Variants in MROH1 observed in about 807,000 individuals in gnomAD.
The protein encoded by MROH1 is maestro heat-like repeat-containing protein family member 1.
In MROH1, 117 loss-of-function variants were observed where a neutral mutation model predicts 116.5. That is an observed-to-expected ratio of 1.00 (90% CI 0.86 to 1.17). MROH1 has a LOEUF of 1.17. MROH1 is among the 50% of genes most tolerant of loss of function. MROH1 has a pLI of 0.00. For synonymous variants in MROH1, 921 were observed against 583.9 expected (o/e 1.58, Z -8.32); for missense variants, 1,873 against 1,338.5 (o/e 1.40, Z -6.23).
Position 144,179,439 on chromosome 8 carries a change from C to T in MROH1, c.169-16C>T, listed in dbSNP as rs114641740. On this transcript the variant is annotated splice_polypyrimidine_tract_variant and intron_variant, in intron 4 of 43. Coordinates refer to ENST00000326134, the MANE Select transcript of MROH1 (RefSeq NM_032450.3). Reference sequence around the variant, plus strand: ...GGGGCTCACCTGGGACCGACCTGGACGGTGTCTCTCCGCAGCTGGCACACC... The same window carrying T: ...GGGGCTCACCTGGGACCGACCTGGATGGTGTCTCTCCGCAGCTGGCACACC... 1.5e-3 allele frequency: 2,347 copies of T among 1,612,664 alleles called. 27 individuals are homozygous for T. The African/African-American group carries it at 0.027, about 18-fold the overall frequency.
At chr8:144,220,878 C>T (rs1432136231) in intron 13 of MROH1, among the ~76,000 whole-genome samples, 1 of 152,194 alleles carries the variant, frequency 6.6e-6, no homozygotes, top group Non-Finnish European at 1.5e-5. Flanking sequence ...TCCCCAAGGC[C>T]ACCCTACACT....
Position 144,196,653 on chromosome 8 carries a change from A to G in MROH1, c.949-2469A>G, listed in dbSNP as rs528908910. On this transcript the variant is annotated intron_variant, in intron 10 of 43. Coordinates refer to ENST00000326134, the MANE Select transcript of MROH1 (RefSeq NM_032450.3). The stretch of plus-strand genomic sequence containing the variant: ...ATTACAGGCATGAGCCTCTGTGCCC[A>G]GCCCCCTATGCTTTTATTATTTAAT... 2.0e-3 allele frequency among the ~76,000 whole-genome samples: 296 copies of G among 151,084 alleles called. 1 individual carries two copies. The highest frequency in any genetic ancestry group is 3.4e-3 in the Middle Eastern group (1 of 294).
intron 14 of MROH1, among the ~76,000 whole-genome samples, chr8:144,230,802 CTTTTTTTTTTTTT>C (rs1161687289): frequency 1.5e-5 from 1 of 68,600 alleles, no homozygotes; most frequent in African/African-American, 5.0e-5. Flanking sequence ...AAAAGGTTTT[CTTTTTTTTTTTTT>C]TTTTTTTTTT....
At chr8:144,236,896 C>CT (rs1164804321) in intron 14 of MROH1, among the ~76,000 whole-genome samples, 1,101 of 69,302 alleles carry the variant, frequency 0.016, 337 homozygotes, top group African/African-American at 0.056. Context: ...TCTCCTATTC[C>CT]TTTTTTTTTT....
intron 34 of MROH1, among the ~76,000 whole-genome samples, chr8:144,255,285 G>A (rs1014124940): frequency 2.6e-5 from 4 of 152,382 alleles, no homozygotes; most frequent in Middle Eastern, 3.4e-3. Flanking sequence ...ATGGCCTGAG[G>A]TCTGTCCTGT....
chr8:144,210,134 G>A (rs999923268), intron 12 of MROH1, among the ~76,000 whole-genome samples: 1 of 151,498 alleles, frequency 6.6e-6, no homozygotes, highest in African/African-American at 2.4e-5. Context: ...GATTAGCTGT[G>A]TCCACTTTAA....
At chr8:144,166,877 G>C (rs376391649) in intron 3 of MROH1, among the ~76,000 whole-genome samples, 2 of 152,220 alleles carry the variant, frequency 1.3e-5, no homozygotes, top group Non-Finnish European at 2.9e-5. Flanking sequence ...AGTTCAGTAC[G>C]GGCCGGGTTT....
At chr8:144,245,094 C>G in intron 28 of MROH1, 62 bp from the exon 29 acceptor site, 1 of 777,628 alleles carries the variant, frequency 1.3e-6, no homozygotes, top group Non-Finnish European at 2.4e-6. Context: ...CCACGATGCA[C>G]AAGGCTCCTG....
intron 4 of MROH1, chr8:144,174,898 C>A (rs1350213191): frequency 2.0e-6 from 2 of 985,400 alleles, no homozygotes; most frequent in East Asian, 1.1e-4. Context: ...GCACTGAGCA[C>A]TCAATCACCA....
chr8:144,167,330 TG>T (rs1821118551), intron 3 of MROH1, among the ~76,000 whole-genome samples: 1 of 109,644 alleles, frequency 9.1e-6, no homozygotes, highest in Non-Finnish European at 1.9e-5. Flanking sequence ...GGCCGGTTGT[TG>T]GGGTGGAGTG....
rs950423982 is a variant in MROH1, at chr8:144,260,609, G to A, written c.4381-68G>A. The A allele has an allele frequency of 4.7e-4, 361 of 768,322 alleles. 1 individual carries two copies. The highest frequency in any genetic ancestry group is 4.4e-3 in the African/African-American group (260 of 59,246). 47.6% of individuals were successfully genotyped at this position (768,322 alleles called of 1,614,324 possible). A position where few individuals can be genotyped will look rare whatever the true frequency, so the allele number is the denominator to read the frequency against. On this transcript the variant is annotated intron_variant, in intron 39 of 43. Transcript: ENST00000326134. ...CAGGCAAGGGCACCCATCAATGGCA[G>A]GGGGCTAGGCAGGCAGGCCTGCAGG...
At chr8:144,208,684 A>G (rs944154665) in intron 12 of MROH1, among the ~76,000 whole-genome samples, 3 of 152,178 alleles carry the variant, frequency 2.0e-5, no homozygotes, top group Admixed American at 6.6e-5. Context: ...GGTATATTTC[A>G]GGACTCTATT....
intron 14 of MROH1, among the ~76,000 whole-genome samples, chr8:144,237,845 CTG>C (rs1171442891): frequency 3.3e-5 from 5 of 152,172 alleles, no homozygotes; most frequent in Admixed American, 2.6e-4. Context: ...TGTCCCCAGT[CTG>C]TGTCCTAACG....
chr8:144,222,148 CCT>C (rs1271231664), intron 13 of MROH1, among the ~76,000 whole-genome samples: 2 of 150,662 alleles, frequency 1.3e-5, no homozygotes, highest in Non-Finnish European at 3.0e-5. Context: ...AGCCCCACCC[CCT>C]GAGGCCAGGG....
At chr8:144,175,570 G>T in intron 4 of MROH1, 1 of 984,980 alleles carries the variant, frequency 1.0e-6, no homozygotes, top group Non-Finnish European at 1.2e-6. Flanking sequence ...CCCAGGTGGG[G>T]ATGGGCTTCT....
intron 4 of MROH1, among the ~76,000 whole-genome samples, chr8:144,172,842 C>G (rs1327984787): frequency 6.6e-6 from 1 of 152,124 alleles, no homozygotes; most frequent in East Asian, 1.9e-4. Flanking sequence ...TACGTCTTTG[C>G]CTGTAATTCT....
In MROH1 at chr8:144,254,927, C is replaced by T. The variant is rs1007908442; in HGVS notation, c.3543C>T (p.Ala1181=). Residue 1181 remains alanine, a synonymous_variant, in exon 34 of 44, where the codon GCC becomes GCT. Coordinates refer to ENST00000326134, the MANE Select transcript of MROH1 (RefSeq NM_032450.3). ...SRDVPFKESR[A]FLLGRTPDRV... is the part of the protein sequence containing the mutation. ...ACGTCCCTTTCAAGGAGAGCCGGGCCTTCCTGCTGGGCCGCACCCCAGACC... is the reference window on the plus strand; with the variant it reads ...ACGTCCCTTTCAAGGAGAGCCGGGCTTTCCTGCTGGGCCGCACCCCAGACC... 56 of 776,410 alleles carry T rather than the reference C, an allele frequency of 7.2e-5. No individual in the cohort carries two copies. The African/African-American group carries it at 8.8e-4, about 12-fold the overall frequency. 48.1% of individuals were successfully genotyped at this position (776,410 alleles called of 1,614,324 possible).
chr8:144,186,266 T>C (rs1261831712), intron 7 of MROH1, among the ~76,000 whole-genome samples: 1 of 151,668 alleles, frequency 6.6e-6, no homozygotes, highest in Admixed American at 6.6e-5. Context: ...CGACCAGAGG[T>C]GCCCGCCACC....
Position 144,240,561 on chromosome 8 carries a change from G to A in MROH1, c.1828-9G>A. 1.4e-6 allele frequency: 1 copy of A among 716,250 alleles called. No individual in the cohort carries two copies. 44.4% of individuals were successfully genotyped at this position (716,250 alleles called of 1,614,324 possible). A position where few individuals can be genotyped will look rare whatever the true frequency, so the allele number is the denominator to read the frequency against. On this transcript the variant is annotated splice_polypyrimidine_tract_variant and intron_variant, in intron 19 of 43. Transcript: ENST00000326134. ...GCTCCCAGCCCCTCAGTGGCATCTT[G>A]GCCTGCAGTTCCTGCGAGACACCCT...
Sources: gnomAD v4.1 joint callset for allele counts (sites outside exome capture counted in the v4.1 genomes callset) on GRCh38, gnomAD v4.1.1 for gene constraint, MANE v1.5 for transcripts, NCBI Gene and HGNC (gene_info 2026-07-23, HGNC 2026-07-21) for gene names.